Variants in CHD8 observed in about 807,000 individuals in gnomAD.
The protein encoded by CHD8 is ATP-dependent chromatin remodeler CHD8.
In CHD8, 31 loss-of-function variants were observed where a neutral mutation model predicts 279.2. That is an observed-to-expected ratio of 0.11 (90% CI 0.08 to 0.15). CHD8 has a LOEUF of 0.15. Ranked by LOEUF, CHD8 falls within the 10% of genes least tolerant of loss-of-function variation. The probability of loss-of-function intolerance (pLI) is 1.00; values close to 1 mark genes in which losing one functional copy is unlikely to be tolerated. For synonymous variants in CHD8, 1,081 were observed against 1,139.6 expected, an observed-to-expected ratio of 0.95 and a Z score of 1.04; for missense variants, 2,146 against 3,230.5, an observed-to-expected ratio of 0.66 and a Z score of 8.14.
At chr14:21,407,523 T>G (rs911444512) in intron 13 of CHD8, among the ~76,000 whole-genome samples, 15 of 152,132 alleles carry the variant, frequency 9.9e-5, no homozygotes, top group African/African-American at 3.6e-4. Flanking sequence ...AAAAGAAAAC[T>G]AATAGAGAAA....
chr14:21,449,589 G>C (rs915945887), intron 1 of CHD8, among the ~76,000 whole-genome samples: 28 of 152,316 alleles, frequency 1.8e-4, no homozygotes, highest in Non-Finnish European at 3.8e-4. Flanking sequence ...ACCGTGCTGA[G>C]AAAGCAGCAC....
Position 21,399,975 on chromosome 14 carries a change from T to C in CHD8, c.4817+6A>G. 1 of 1,610,992 alleles carries C rather than the reference T, an allele frequency of 6.2e-7. No homozygotes were observed. ...CATAAATCAAAAAAATATAGCAGAA[T>C]TTTACCTGGCAATCGCACCCCCTAA... On this transcript the variant is annotated splice_donor_region_variant and intron_variant, in intron 25 of 37. Transcript: ENST00000646647.
In CHD8 at chr14:21,393,713, G is replaced by A; in HGVS notation, c.6082C>T (p.His2028Tyr). Residue 2028 changes from histidine (H) to tyrosine (Y), a missense_variant, in exon 32 of 38, where the codon CAC becomes TAC. His to Tyr is a moderately conservative substitution (Grantham distance 83). Coordinates refer to ENST00000646647, the MANE Select transcript of CHD8 (RefSeq NM_001170629.2). ...GGTCGGCTCCTGGCCACCACCTCGT[G>A]CTCTAGCTTTAAAGTCAGACTCTCC... is the stretch of plus-strand genomic sequence containing the variant. Reference protein sequence around the residue: ...SLESLTLKLEHEVVARSRPTP... With the variant: ...SLESLTLKLEYEVVARSRPTP... The A allele has an allele frequency of 3.1e-6, 5 of 1,613,932 alleles. No homozygotes were observed. The highest frequency in any genetic ancestry group is 3.4e-6 in the Non-Finnish European group (4 of 1,179,862).
At chr14:21,428,860 A>G (rs1463114869) in intron 3 of CHD8, 104 bp downstream of exon 3, 1 of 1,024,930 alleles carries the variant, frequency 9.8e-7, no homozygotes, top group Non-Finnish European at 1.4e-6. Flanking sequence ...AGAGATATAA[A>G]TCTAGAATGG....
Position 21,394,008 on chromosome 14 carries a change from A to G in CHD8, c.5787T>C (p.His1929=), listed in dbSNP as rs1178530563. The G allele has an allele frequency of 1.2e-6, 2 of 1,613,872 alleles. No individual in the cohort carries two copies. The highest frequency in any genetic ancestry group is 1.6e-4 in the Middle Eastern group (1 of 6,062). ...ELPKWWEPVR[H]DGELLRGAAR... ...CTGCCCCTCTTAGAAGCTCCCCATC[A>G]TGCCGAACAGGCTCCCACCATTTGG... Residue 1929 remains histidine (H), a synonymous_variant, in exon 32 of 38, where the codon CAT becomes CAC. Transcript: ENST00000646647.
intron 2 of CHD8, 151 bp from the exon 3 acceptor site, chr14:21,429,486 G>T: frequency 1.2e-6 from 1 of 861,410 alleles, no homozygotes; most frequent in Non-Finnish European, 2.0e-6. Context: ...TATCTGTCTT[G>T]ATGCAATCTT....
Position 21,399,672 on chromosome 14 carries a change from T to C in CHD8, c.4851A>G (p.Gln1617=), listed in dbSNP as rs764738563. The C allele has an allele frequency of 2.5e-6, 4 of 1,613,478 alleles. No homozygotes were observed. The highest frequency in any genetic ancestry group is 3.3e-5 in the Admixed American group (2 of 59,998). The change falls in exon 26 of 38, where the codon CAA becomes CAG. Residue 1617 remains glutamine, a synonymous_variant. Transcript: ENST00000646647. ...EIDIWFPVVD[Q]LEVPTTWWDS... Reference sequence around the variant, plus strand: ...CCCACCAAGTTGTTGGAACCTCCAGTTGATCCACTACTGGGAACCATATGT... The same window carrying C: ...CCCACCAAGTTGTTGGAACCTCCAGCTGATCCACTACTGGGAACCATATGT...
rs1160026580 is a variant in CHD8, at chr14:21,415,518, T to A, written c.1968+56A>T. ...AGACTCTATTTCAAAAATAAATAAA[T>A]AAATAAATAAATAAATAAATAAATA... is the stretch of plus-strand genomic sequence containing the variant. On this transcript the variant is annotated intron_variant, in intron 7 of 37. Transcript: ENST00000646647. The A allele has an allele frequency of 1.5e-5, 14 of 931,972 alleles. No homozygotes were observed. The African/African-American group carries it at 1.8e-4, about 12-fold the overall frequency. The allele number at this position is 931,972 out of a possible 1,614,324, so 57.7% of individuals were successfully genotyped here.
chr14:21,399,969 G>A lies in CHD8; in HGVS notation c.4817+12C>T, dbSNP rs938869283. 3 of 1,607,328 alleles carry A rather than the reference G, an allele frequency of 1.9e-6. No individual in the cohort carries two copies. In the African/African-American group the frequency reaches 4.0e-5, roughly 21 times the overall value. ...GTAGGGCATAAATCAAAAAAATATA[G>A]CAGAATTTTACCTGGCAATCGCACC... On this transcript the variant is annotated intron_variant, in intron 25 of 37. Transcript: ENST00000646647.
chr14:21,437,147 GA>G, intron 1 of CHD8: 1 of 1,068,042 alleles, frequency 9.4e-7, no homozygotes, highest in Non-Finnish European at 1.2e-6. Context: ...CCCTGAAGGA[GA>G]AAACGAGCTG....
Position 21,429,604 on chromosome 14 carries a change from C to T in CHD8, c.844-269G>A, listed in dbSNP as rs951115453. On this transcript the variant is annotated intron_variant, in intron 2 of 37. Transcript: ENST00000646647. ...TCAGCAAGGGAGTGCTGCCCTGCTC[C>T]GTTTCCAACCTGGGCCAATTCATCC... 2.3e-5 allele frequency: 12 copies of T among 525,548 alleles called. No individual in the cohort carries two copies. The East Asian group carries it at 2.5e-4, about 11-fold the overall frequency. The allele number at this position is 525,548 out of a possible 1,614,324, so 32.6% of individuals were successfully genotyped here. A position where few individuals can be genotyped will look rare whatever the true frequency, so the allele number is the denominator to read the frequency against.
chr14:21,451,503 C>T (rs1594397487), intron 1 of CHD8, among the ~76,000 whole-genome samples: 1 of 124,300 alleles, frequency 8.0e-6, no homozygotes, highest in East Asian at 2.8e-4. Flanking sequence ...ACCCGGGAGG[C>T]GGAGGTTGTG....
intron 13 of CHD8, among the ~76,000 whole-genome samples, chr14:21,407,612 TTTTTTTCTTTTTTTGA>T (rs1888305980): frequency 6.6e-6 from 1 of 152,164 alleles, no homozygotes; most frequent in Non-Finnish European, 1.5e-5. Context: ...ACTGATCCTT[TTTTTTTCTTTTTTTGA>T]GACACAGTCT....
At chr14:21,393,419 A>C in intron 32 of CHD8, 57 bp downstream of exon 32, 1 of 1,502,826 alleles carries the variant, frequency 6.7e-7, no homozygotes, top group South Asian at 1.3e-5. Flanking sequence ...TAGAAAAGGG[A>C]AAGAGAAGAG....
intron 1 of CHD8, among the ~76,000 whole-genome samples, chr14:21,450,988 TAAAC>T (rs1348027910): frequency 2.6e-5 from 4 of 152,042 alleles, no homozygotes; most frequent in Admixed American, 6.6e-5. Flanking sequence ...TAAAATGAAA[TAAAC>T]AACAAATAAA....
At chr14:21,437,136 G>T in intron 1 of CHD8, 1 of 999,968 alleles carries the variant, frequency 1.0e-6, no homozygotes, top group Non-Finnish European at 1.3e-6. Flanking sequence ...GGCCCGACAA[G>T]CCCTGAAGGA....
In CHD8 at chr14:21,431,617, G is replaced by A. The variant is rs75191413; in HGVS notation, c.27C>T (p.Phe9=). The change falls in exon 2 of 38, where the codon TTC becomes TTT. Residue 9 remains phenylalanine (F), a synonymous_variant. Transcript: ENST00000646647. The stretch of plus-strand genomic sequence containing the variant: ...CCAGGCCAAATAAATTTGGGTCATC[G>A]AACAGATCCATGATGGGGTCTGCCA... MADPIMDL[F]DDPNLFGLDS... The A allele has an allele frequency of 6.6e-3, 10,227 of 1,538,226 alleles. 35 individuals are homozygous for A. The highest frequency in any genetic ancestry group is 8.0e-3 in the Non-Finnish European group (9,118 of 1,146,916).
At position 21,428,212 on chromosome 14, in the gene CHD8, T is replaced by C. The variant is rs10139010; in HGVS notation, c.1258A>G (p.Lys420Glu). 1 of 1,614,028 alleles carries C rather than the reference T, an allele frequency of 6.2e-7. No individual in the cohort carries two copies. The highest frequency in any genetic ancestry group is 8.5e-7 in the Non-Finnish European group (1 of 1,179,894). The stretch of plus-strand genomic sequence containing the variant: ...GCCACTTCACTGGCACTCAGAACTT[T>C]AACTACAGAGAGCCCAGAAGAGGCC... ...QGASSGLSVV[K>E]VLSASEVAAL... The change falls in exon 4 of 38, where the codon AAA becomes GAA. Residue 420 changes from lysine (K) to glutamate (E), a missense_variant. Lys to Glu is a moderately conservative substitution (Grantham distance 56). Transcript: ENST00000646647.
intron 9 of CHD8, chr14:21,413,886 T>G (rs1480076186): frequency 6.3e-6 from 1 of 158,304 alleles, no homozygotes; most frequent in African/African-American, 2.4e-5. Context: ...GGGGTAAACC[T>G]GGATATTGGA....
Sources: gnomAD v4.1 joint callset for allele counts (sites outside exome capture counted in the v4.1 genomes callset) on GRCh38, gnomAD v4.1.1 for gene constraint, MANE v1.5 for transcripts, NCBI Gene and HGNC (gene_info 2026-07-23, HGNC 2026-07-21) for gene names.